The following BSPH1 variants were observed in gnomAD, a reference collection of about 807,000 sequenced individuals.
BSPH1 encodes binder of sperm 1.
A neutral mutation model predicts 22.5 loss-of-function variants in BSPH1; 21 were observed. The observed-to-expected ratio is 0.93, with a 90% CI of 0.66 to 1.35. BSPH1 has a LOEUF of 1.35. BSPH1 is among the 40% of genes most tolerant of loss of function. BSPH1 has a pLI of 0.00. For synonymous variants in BSPH1, 42 were observed against 53.6 expected (o/e 0.78, Z 0.95); for missense variants, 141 against 154.2 (o/e 0.91, Z 0.45).
At chr19:47,985,063 GA>G (rs77675265) in intron 1 of BSPH1, among the ~76,000 whole-genome samples, 961 of 75,082 alleles carry the variant, frequency 0.013, 10 homozygotes, top group African/African-American at 0.038. Flanking sequence ...GACTCTGTCT[GA>G]AAAAAAAAAA....
Position 47,976,801 on chromosome 19 carries a change from A to C in BSPH1, c.310T>G (p.Cys104Gly), listed in dbSNP as rs1969369128. The C allele has an allele frequency of 1.3e-6, 2 of 1,551,446 alleles. No individual in the cohort carries two copies. The highest frequency in any genetic ancestry group is 8.7e-7 in the Non-Finnish European group (1 of 1,146,880). The change falls in exon 5 of 6, where the codon TGT becomes GGT. Residue 104 changes from cysteine (C) to glycine (G), a missense_variant. Cys to Gly is a radical substitution (Grantham distance 159). Coordinates refer to ENST00000344839, the MANE Select transcript of BSPH1 (RefSeq NM_001128326.2). ...FWYRRLIYWE[C>G]TDDGEAFGKK... ...CCAAATGCTTCCCCATCATCAGTACACTCCCAGTAGATCAAGCGTCTGTAC... is the reference window on the plus strand; with the variant it reads ...CCAAATGCTTCCCCATCATCAGTACCCTCCCAGTAGATCAAGCGTCTGTAC...
chr19:47,973,218 A>AAATAATAATAATAAT (rs60548503), intron 5 of BSPH1, among the ~76,000 whole-genome samples: 6 of 132,120 alleles, frequency 4.5e-5, no homozygotes, highest in East Asian at 2.5e-4. Context: ...CTCCGTCTCA[A>AAATAATAATAATAAT]AATAATAATA....
chr19:47,971,404 C>T (rs148948485), intron 5 of BSPH1, among the ~76,000 whole-genome samples: 1 of 152,132 alleles, frequency 6.6e-6, no homozygotes, highest in Admixed American at 6.5e-5. Context: ...TGGGGTTTCA[C>T]CATGTTGGCC....
Position 47,977,544 on chromosome 19 carries a change from T to C in BSPH1, c.125-40A>G, listed in dbSNP as rs1412694353. ...ATTCTTCCTCTGTTTCTGGGTGTGTTAGGAGAGAGGTTATCAAGCGACTGT... is the reference window on the plus strand; with the variant it reads ...ATTCTTCCTCTGTTTCTGGGTGTGTCAGGAGAGAGGTTATCAAGCGACTGT... On this transcript the variant is annotated intron_variant, in intron 3 of 5. Coordinates refer to ENST00000344839, the MANE Select transcript of BSPH1 (RefSeq NM_001128326.2). 1.9e-6 allele frequency: 3 copies of C among 1,548,020 alleles called. No individual in the cohort carries two copies. The African/African-American group carries it at 4.1e-5, about 21-fold the overall frequency.
At chr19:47,982,529 A>G (rs1969428615) in intron 1 of BSPH1, among the ~76,000 whole-genome samples, 1 of 152,232 alleles carries the variant, frequency 6.6e-6, no homozygotes, top group South Asian at 2.1e-4. Context: ...GACCAGCACA[A>G]TGGTTCACAA....
intron 5 of BSPH1, among the ~76,000 whole-genome samples, chr19:47,974,269 C>CTCTCTCTCTTTCTT (rs57733472): frequency 1.3e-5 from 1 of 75,994 alleles, no homozygotes; most frequent in African/African-American, 5.4e-5. Flanking sequence ...CTCTCTCTCT[C>CTCTCTCTCTTTCTT]TTTTTTTTTT....
At chr19:47,976,989 GCA>G in intron 4 of BSPH1, 135 bp from the exon 5 acceptor site, 1 of 815,406 alleles carries the variant, frequency 1.2e-6, no homozygotes, top group South Asian at 1.8e-5. Context: ...ACATACACAT[GCA>G]CACTCACACA....
intron 1 of BSPH1, among the ~76,000 whole-genome samples, chr19:47,989,903 A>T (rs1969506691): frequency 6.6e-6 from 1 of 151,886 alleles, no homozygotes; most frequent in Non-Finnish European, 1.5e-5. Flanking sequence ...TGAATCACCG[A>T]AGATCAGGAG....
intron 5 of BSPH1, 36 bp downstream of exon 5, chr19:47,976,674 T>TA (rs749232137): frequency 6.5e-7 from 1 of 1,535,134 alleles, no homozygotes; most frequent in Non-Finnish European, 8.8e-7. Context: ...GGAGAATGAT[T>TA]AAACGTCTTC....
At chr19:47,967,357 G>C (rs560221086), downstream of BSPH1, among the ~76,000 whole-genome samples, 22 of 152,342 alleles carry the variant, frequency 1.4e-4, 1 homozygote, top group African/African-American at 5.3e-4. Flanking sequence ...TAAGCTGCAT[G>C]CTGCTGTCTT....
At position 47,979,606 on chromosome 19, in the gene BSPH1, A is replaced by C. The variant is rs199510274; in HGVS notation, c.95-7T>G. 340 of 1,315,038 alleles carry C rather than the reference A, an allele frequency of 2.6e-4. No homozygotes were observed. The highest frequency in any genetic ancestry group is 3.3e-4 in the Non-Finnish European group (316 of 967,574). The allele number at this position is 1,315,038 out of a possible 1,614,324, so 81.5% of individuals were successfully genotyped here. On this transcript the variant is annotated splice_polypyrimidine_tract_variant and splice_region_variant and intron_variant, in intron 2 of 5. Coordinates refer to ENST00000344839, the MANE Select transcript of BSPH1 (RefSeq NM_001128326.2). ...GGAAAATGAGTTATAGTTTCTGAAA[A>C]ATAAAATTTAGAGCTGACATTTATT...
chr19:47,989,971 T>A (rs1969507367), intron 1 of BSPH1, among the ~76,000 whole-genome samples: 1 of 151,608 alleles, frequency 6.6e-6, no homozygotes, highest in Non-Finnish European at 1.5e-5. Flanking sequence ...ATACAAAAAT[T>A]AGCTGGGCAT....
intron 5 of BSPH1, among the ~76,000 whole-genome samples, chr19:47,971,308 C>T (rs1345180966): frequency 2.0e-5 from 3 of 152,100 alleles, no homozygotes; most frequent in East Asian, 1.9e-4. Context: ...TGGGTTCGAG[C>T]GATTCTCCTG....
intron 1 of BSPH1, chr19:47,981,703 G>A (rs1458728175): frequency 1.1e-6 from 1 of 910,600 alleles, no homozygotes; most frequent in African/African-American, 1.8e-5. Context: ...AGAACATTAG[G>A]ATGTCAAGTC....
chr19:47,973,954 C>A (rs1276518307), intron 5 of BSPH1, among the ~76,000 whole-genome samples: 1 of 152,210 alleles, frequency 6.6e-6, no homozygotes, highest in Non-Finnish European at 1.5e-5. Context: ...CCACCAAACA[C>A]CCACTTGGAA....
intron 5 of BSPH1, 121 bp downstream of exon 5, chr19:47,976,589 A>AAG (rs1418953647): frequency 3.0e-6 from 2 of 670,156 alleles, no homozygotes; most frequent in Non-Finnish European, 2.4e-6. Context: ...CCAGAAAAAA[A>AAG]AAAAAAACAA....
chr19:47,967,726 G>A (rs1201846827), downstream of BSPH1, among the ~76,000 whole-genome samples: 3 of 152,104 alleles, frequency 2.0e-5, no homozygotes, highest in African/African-American at 4.8e-5. Context: ...GTTGCATTCC[G>A]AGGTCCTGGG....
chr19:47,969,674 A>T (rs1969290771), intron 5 of BSPH1, among the ~76,000 whole-genome samples: 1 of 128,070 alleles, frequency 7.8e-6, no homozygotes. Flanking sequence ...CCTGTAAGGC[A>T]GGGAGAGGGG....
intron 3 of BSPH1, chr19:47,977,757 A>G (rs1214975631): frequency 2.5e-6 from 2 of 812,442 alleles, no homozygotes; most frequent in Non-Finnish European, 3.0e-6. Flanking sequence ...CATTTGCCCC[A>G]GTTTCAGAAA....
Sources: allele counts gnomAD v4.1 joint callset (sites outside exome capture counted in the v4.1 genomes callset), GRCh38; gene constraint gnomAD v4.1.1; transcripts MANE v1.5; gene names NCBI Gene and HGNC (gene_info 2026-07-23, HGNC 2026-07-21).